TRRAP: variants seen among roughly 807,000 people sequenced by gnomAD.
The protein encoded by TRRAP is transformation/transcription domain associated protein, also known as transformation/transcription domain-associated protein.
In TRRAP, 41 loss-of-function variants were observed where a neutral mutation model predicts 438.8. The observed-to-expected ratio is 0.09, with a 90% CI of 0.07 to 0.12. TRRAP has a LOEUF of 0.12. Ranked by LOEUF, TRRAP falls within the 10% of genes least tolerant of loss-of-function variation. TRRAP has a pLI of 1.00. For missense variants in TRRAP, 3,122 were observed against 5,055.1 expected (o/e 0.62, Z 11.60); for synonymous variants, 1,994 against 1,962.9 (o/e 1.02, Z -0.42).
intron 40 of TRRAP, among the ~76,000 whole-genome samples, chr7:98,954,318 T>G (rs117769420): frequency 2.6e-5 from 4 of 152,384 alleles, no homozygotes; most frequent in Non-Finnish European, 5.9e-5. Context: ...GTGTGAGAAT[T>G]AAATGTAATA....
Position 98,994,581 on chromosome 7 carries a change from T to C in TRRAP, c.10048-6T>C, listed in dbSNP as rs368912785. The C allele has an allele frequency of 1.4e-4, 219 of 1,613,826 alleles. No individual in the cohort carries two copies. Among genetic ancestry groups the C allele is most frequent in the Non-Finnish European group, 1.8e-4 (210 of 1,179,916 alleles). On this transcript the variant is annotated splice_region_variant and splice_polypyrimidine_tract_variant and intron_variant, in intron 66 of 72. Coordinates refer to ENST00000456197, the MANE Select transcript of TRRAP (RefSeq NM_001375524.1). This position sits in a 1 kb window ranked among gnomAD's most constrained non-coding sequence, Gnocchi z 4.8. The stretch of plus-strand genomic sequence containing the variant: ...TTGTCAGTTGTCTCTGGCTCTTTTC[T>C]ACCAGGTTCTCAGGCAGCTCCAACA...
At chr7:98,946,601 CAT>C (rs1457458944) in intron 33 of TRRAP, among the ~76,000 whole-genome samples, 24 of 150,996 alleles carry the variant, frequency 1.6e-4, no homozygotes, top group Middle Eastern at 3.2e-3. Flanking sequence ...GCACACAACA[CAT>C]ATGCACACAC....
chr7:98,921,646 G>A (rs1331774265), intron 20 of TRRAP, 107 bp from the exon 21 acceptor site: 46 of 1,463,444 alleles, frequency 3.1e-5, no homozygotes, highest in South Asian at 2.3e-4. Flanking sequence ...AAAGTTCTGG[G>A]ATTACAGGCA....
intron 63 of TRRAP, 117 bp from the exon 64 acceptor site, chr7:98,990,337 CT>C: frequency 1.5e-5 from 16 of 1,067,062 alleles, no homozygotes; most frequent in South Asian, 6.6e-5. Context: ...CTTATAGATA[CT>C]TTTTTTACAT....
chr7:98,959,232 G>A (rs1045266011), intron 44 of TRRAP, 112 bp from the exon 45 acceptor site: 1 of 1,429,822 alleles, frequency 7.0e-7, no homozygotes, highest in South Asian at 1.3e-5. Context: ...GCTGTGAGGT[G>A]AAGATCTGAG....
chr7:98,897,670 T>TG, intron 7 of TRRAP, 71 bp from the exon 8 acceptor site: 1 of 1,454,128 alleles, frequency 6.9e-7, no homozygotes. Flanking sequence ...TGTTTTGTTT[T>TG]GTTTTGTTTT....
chr7:98,956,680 G>C lies in TRRAP; in HGVS notation c.6231+147G>C. On this transcript the variant is annotated intron_variant, in intron 43 of 72. Transcript: ENST00000456197. This position sits in a 1 kb window ranked among gnomAD's most constrained non-coding sequence, Gnocchi z 4.5. ...CCACGGTCACCAGATTGAAACTCCA[G>C]GACATGTCACTCATGCAAGGGGTTC... The C allele has an allele frequency of 7.4e-7, 1 of 1,358,436 alleles. No homozygotes were observed. The highest frequency in any genetic ancestry group is 9.9e-7 in the Non-Finnish European group (1 of 1,014,612). 84.1% of individuals were successfully genotyped at this position (1,358,436 alleles called of 1,614,324 possible).
At chr7:98,991,816 C>T (rs1249785946) in intron 64 of TRRAP, among the ~76,000 whole-genome samples, 1 of 152,210 alleles carries the variant, frequency 6.6e-6, no homozygotes, top group African/African-American at 2.4e-5. Context: ...TCAGTGAGAT[C>T]TGGGGACACA....
chr7:98,935,010 T>C (rs2116533820), intron 27 of TRRAP, among the ~76,000 whole-genome samples: 1 of 152,258 alleles, frequency 6.6e-6, no homozygotes, highest in African/African-American at 2.4e-5. Flanking sequence ...GAAATAGTGA[T>C]AGAGCACGAT....
intron 62 of TRRAP, among the ~76,000 whole-genome samples, chr7:98,987,405 TTA>T (rs1227596432): frequency 1.4e-4 from 22 of 152,232 alleles, no homozygotes; most frequent in Admixed American, 2.6e-4. Context: ...ACAATGTTTT[TTA>T]GTTTTTAGTG....
intron 50 of TRRAP, 33 bp downstream of exon 50, chr7:98,967,195 A>G: frequency 1.3e-6 from 2 of 1,599,680 alleles, no homozygotes; most frequent in Non-Finnish European, 8.5e-7. Context: ...TACTACATAT[A>G]TTGGTCCTTA....
At chr7:98,903,310 G>A in intron 11 of TRRAP, 69 bp from the exon 12 acceptor site, 1 of 1,577,112 alleles carries the variant, frequency 6.3e-7, no homozygotes. Context: ...TTAAGAAGCT[G>A]ATAACATTTG....
chr7:98,912,132 C>T lies in TRRAP; in HGVS notation c.2118C>T (p.Leu706=). ...CAGAAATGGGCTCCAACGTGGAGCT[C>T]TCCAACCTGTACCTCAAGCTGTTCA... ...RLPEMGSNVE[L]SNLYLKLFKL... The change falls in exon 18 of 73, where the codon CTC becomes CTT. Residue 706 remains leucine (L), a synonymous_variant. Transcript: ENST00000456197. 1 of 1,614,202 alleles carries T rather than the reference C, an allele frequency of 6.2e-7. No homozygotes were observed. Among genetic ancestry groups the T allele is most frequent in the African/African-American group, 1.3e-5 (1 of 75,054 alleles).
chr7:98,887,745 A>AAC (rs1274729803), intron 3 of TRRAP, among the ~76,000 whole-genome samples: 1 of 116,942 alleles, frequency 8.6e-6, no homozygotes, highest in Non-Finnish European at 1.5e-5. Context: ...AAAAAAAAAA[A>AAC]AAAAACTGCA....
At chr7:98,892,791 G>A (rs1554405133) in intron 5 of TRRAP, among the ~76,000 whole-genome samples, 1 of 152,178 alleles carries the variant, frequency 6.6e-6, no homozygotes, top group Non-Finnish European at 1.5e-5. Context: ...GGTGAGCCGG[G>A]TGCGGGCCCG....
At position 98,904,201 on chromosome 7, in the gene TRRAP, C is replaced by T. The variant is rs373349676; in HGVS notation, c.1036+684C>T. The stretch of plus-strand genomic sequence containing the variant: ...ATTCTTGTAGATCTGCTGACAGATT[C>T]AGCTGGGTGTGGTGGCTCACGTCTG... On this transcript the variant is annotated intron_variant, in intron 12 of 72. Transcript: ENST00000456197. 6.6e-5 allele frequency among the ~76,000 whole-genome samples: 10 copies of T among 151,854 alleles called. No individual in the cohort carries two copies. The East Asian group carries it at 1.2e-3, about 18-fold the overall frequency.
chr7:98,882,057 G>C (rs1795464178), intron 3 of TRRAP, 33 bp downstream of exon 3: 4 of 1,574,376 alleles, frequency 2.5e-6, no homozygotes, highest in Non-Finnish European at 3.5e-6. Context: ...TTTTCATTTT[G>C]AGGTAAATAT....
intron 13 of TRRAP, 141 bp downstream of exon 13, chr7:98,906,396 TTTTTG>T (rs1416490542): frequency 5.5e-6 from 2 of 362,338 alleles, no homozygotes; most frequent in Non-Finnish European, 9.9e-6. Flanking sequence ...AGGATTTTTG[TTTTTG>T]TTTTATTTAT....
chr7:98,885,450 G>A (rs535752777), intron 3 of TRRAP, among the ~76,000 whole-genome samples: 2 of 152,060 alleles, frequency 1.3e-5, no homozygotes, highest in Non-Finnish European at 2.9e-5. Context: ...CCTAGCTTCC[G>A]TAAGGTCTTT....
Sources: allele counts gnomAD v4.1 joint callset (sites outside exome capture counted in the v4.1 genomes callset), GRCh38; gene constraint gnomAD v4.1.1; non-coding constraint Gnocchi (gnomAD v3.1); transcripts MANE v1.5; gene names NCBI Gene and HGNC (gene_info 2026-07-23, HGNC 2026-07-21).